The following RNF220 variants were observed in gnomAD, a reference collection of about 807,000 sequenced individuals.
RNF220 encodes the protein E3 ubiquitin-protein ligase RNF220.
Under a neutral mutation model 67.1 loss-of-function variants are expected in RNF220, and 7 were observed. That is an observed-to-expected ratio of 0.10 (90% CI 0.06 to 0.20). RNF220 has a LOEUF of 0.20. Ranked by LOEUF, RNF220 falls within the 10% of genes least tolerant of loss-of-function variation. The probability of loss-of-function intolerance (pLI) is 1.00; values close to 1 mark genes in which losing one functional copy is unlikely to be tolerated. For missense variants in RNF220, 565 were observed against 740.3 expected (o/e 0.76, Z 2.75); for synonymous variants, 270 against 283.2 (o/e 0.95, Z 0.47).
At chr1:44,620,530 T>C (rs1643748054) in intron 3 of RNF220, among the ~76,000 whole-genome samples, 1 of 152,238 alleles carries the variant, frequency 6.6e-6, no homozygotes, top group African/African-American at 2.4e-5. Flanking sequence ...CAAAAACTAG[T>C]TGCTCTCAAA....
chr1:44,644,536 C>T, intron 8 of RNF220, 162 bp from the exon 9 acceptor site: 2 of 595,610 alleles, frequency 3.4e-6, no homozygotes, highest in East Asian at 2.8e-5. Flanking sequence ...CCTGAAATGT[C>T]AGGGTCAGGG....
At position 44,635,588 on chromosome 1, in the gene RNF220, G is replaced by C; in HGVS notation, c.993G>C (p.Gln331His). ...AACGGAGGAAGCAAGATGAAGGGCAGGTATGTCCCCTGTGCAACCGCCCCC... is the reference window on the plus strand; with the variant it reads ...AACGGAGGAAGCAAGATGAAGGGCACGTATGTCCCCTGTGCAACCGCCCCC... Reference protein sequence around the residue: ...KMKRRKQDEGQREGSCMAEDD... With the variant: ...KMKRRKQDEGHREGSCMAEDD... The change falls in exon 7 of 15, where the codon CAG becomes CAC. Residue 331 changes from glutamine (Q) to histidine (H), a missense_variant and splice_region_variant. Coordinates refer to ENST00000361799, the MANE Select transcript of RNF220 (RefSeq NM_018150.4). 1 of 1,614,224 alleles carries C rather than the reference G, an allele frequency of 6.2e-7. No individual in the cohort carries two copies. Among genetic ancestry groups the C allele is most frequent in the Non-Finnish European group, 8.5e-7 (1 of 1,180,026 alleles).
At chr1:44,642,200 G>C (rs1362175474) in intron 8 of RNF220, among the ~76,000 whole-genome samples, 1 of 152,248 alleles carries the variant, frequency 6.6e-6, no homozygotes, top group Non-Finnish European at 1.5e-5. Flanking sequence ...AGTTACACAG[G>C]ATTCTGGGTG....
Position 44,645,568 on chromosome 1 carries a change from GC to G in RNF220, c.1445+82del. The stretch of plus-strand genomic sequence containing the variant: ...CCCTTTGCTAGCAGGAAGGCCTGCT[GC>G]CAGGGCTTCTGGCCCTCCCAAGTGC... On this transcript the variant is annotated intron_variant, in intron 12 of 14. Transcript: ENST00000361799. This position sits in a 1 kb window ranked among gnomAD's most constrained non-coding sequence, Gnocchi z 5.0. The G allele has an allele frequency of 7.0e-7, 1 of 1,418,596 alleles. No individual in the cohort carries two copies. Among genetic ancestry groups the G allele is most frequent in the Non-Finnish European group, 9.8e-7 (1 of 1,017,804 alleles). 87.9% of individuals were successfully genotyped at this position (1,418,596 alleles called of 1,614,324 possible).
At chr1:44,460,824 T>G (rs1377582158) in intron 2 of RNF220, among the ~76,000 whole-genome samples, 1 of 152,228 alleles carries the variant, frequency 6.6e-6, no homozygotes, top group Non-Finnish European at 1.5e-5. Context: ...CAGAGCAGAC[T>G]GGGACACGTG....
At chr1:44,553,766 G>A (rs1166616652) in intron 2 of RNF220, among the ~76,000 whole-genome samples, 10 of 152,166 alleles carry the variant, frequency 6.6e-5, no homozygotes, top group African/African-American at 4.8e-5. Flanking sequence ...AGAGGCCCAC[G>A]AATGGGGTAA....
At chr1:44,639,645 C>G (rs1385791079) in intron 8 of RNF220, among the ~76,000 whole-genome samples, 1 of 152,204 alleles carries the variant, frequency 6.6e-6, no homozygotes, top group African/African-American at 2.4e-5. Context: ...CTGCTCAGGT[C>G]CTGGCCTGAA....
intron 8 of RNF220, among the ~76,000 whole-genome samples, chr1:44,641,904 C>A (rs1345736041): frequency 6.6e-6 from 1 of 152,250 alleles, no homozygotes; most frequent in Non-Finnish European, 1.5e-5. Flanking sequence ...TCCTGCCTCA[C>A]TGGCCAGCGG....
At chr1:44,647,422 C>T (rs1388226080) in intron 12 of RNF220, among the ~76,000 whole-genome samples, 4 of 152,060 alleles carry the variant, frequency 2.6e-5, no homozygotes, top group South Asian at 2.1e-4. Context: ...GCCTGCTGTT[C>T]GGAGGCTTGT....
At chr1:44,541,317 AC>A (rs1661654703) in intron 2 of RNF220, among the ~76,000 whole-genome samples, 1 of 152,152 alleles carries the variant, frequency 6.6e-6, no homozygotes, top group Non-Finnish European at 1.5e-5. Context: ...AGTCCCAGCT[AC>A]TCGGGAGGCT....
intron 2 of RNF220, among the ~76,000 whole-genome samples, chr1:44,546,428 C>G (rs1192682739): frequency 6.6e-6 from 1 of 152,190 alleles, no homozygotes; most frequent in African/African-American, 2.4e-5. Context: ...TCCCCCAGCC[C>G]CCTGCTACTC....
intron 2 of RNF220, among the ~76,000 whole-genome samples, chr1:44,433,848 G>C (rs1030368786): frequency 2.6e-5 from 4 of 152,136 alleles, no homozygotes; most frequent in African/African-American, 9.7e-5. Context: ...TGTAGTCCCA[G>C]CTACTCTGGA....
chr1:44,487,828 C>T (rs1489488749), intron 2 of RNF220, among the ~76,000 whole-genome samples: 2 of 148,946 alleles, frequency 1.3e-5, no homozygotes, highest in Admixed American at 6.7e-5. Context: ...TGCAGTGAGC[C>T]GAGATTGCAC....
At chr1:44,590,600 CT>C (rs1007511855) in intron 2 of RNF220, among the ~76,000 whole-genome samples, 1 of 152,230 alleles carries the variant, frequency 6.6e-6, no homozygotes, top group African/African-American at 2.4e-5. Flanking sequence ...ATGTTTGCCC[CT>C]GGCAGGCTCT....
intron 2 of RNF220, among the ~76,000 whole-genome samples, chr1:44,567,029 G>A (rs1403912281): frequency 6.6e-6 from 1 of 152,220 alleles, no homozygotes; most frequent in Non-Finnish European, 1.5e-5. Flanking sequence ...GCTAGAGATG[G>A]TGAAGGGCAG....
chr1:44,414,064 C>T (rs1166757845), intron 2 of RNF220, among the ~76,000 whole-genome samples: 2 of 152,252 alleles, frequency 1.3e-5, no homozygotes, highest in Non-Finnish European at 2.9e-5. Context: ...GACCTCCCCA[C>T]TTAAGGGAGA....
At chr1:44,470,473 T>C (rs1654704485) in intron 2 of RNF220, among the ~76,000 whole-genome samples, 1 of 152,084 alleles carries the variant, frequency 6.6e-6, no homozygotes, top group Non-Finnish European at 1.5e-5. Flanking sequence ...AAAAGAAAAA[T>C]AAAATGGATA....
intron 2 of RNF220, among the ~76,000 whole-genome samples, chr1:44,482,251 AATGTTC>A (rs1403856550): frequency 3.3e-5 from 5 of 152,328 alleles, no homozygotes; most frequent in African/African-American, 1.2e-4. Flanking sequence ...ATAGAGAAAT[AATGTTC>A]AAAAAATGAG....
chr1:44,586,491 T>G (rs1665705341), intron 2 of RNF220, among the ~76,000 whole-genome samples: 1 of 150,620 alleles, frequency 6.6e-6, no homozygotes, highest in Non-Finnish European at 1.5e-5. Flanking sequence ...GAGGAGGGGG[T>G]CACAGCTCCA....
Sources: allele counts gnomAD v4.1 joint callset (sites outside exome capture counted in the v4.1 genomes callset), GRCh38; gene constraint gnomAD v4.1.1; non-coding constraint Gnocchi (gnomAD v3.1); transcripts MANE v1.5; gene names NCBI Gene and HGNC (gene_info 2026-07-23, HGNC 2026-07-21).